SDK1: variants seen among roughly 807,000 people sequenced by gnomAD.
SDK1 encodes the protein sidekick cell adhesion molecule 1.
Under a neutral mutation model 245.5 loss-of-function variants are expected in SDK1, and 157 were observed. The ratio of observed to expected loss-of-function variants is 0.64; its 90% CI spans 0.56 to 0.73. The LOEUF is 0.73. Ranked by LOEUF, SDK1 falls within the 30% of genes least tolerant of loss-of-function variation. The probability of loss-of-function intolerance (pLI) is 0.00; values close to 1 mark genes in which losing one functional copy is unlikely to be tolerated. For missense variants in SDK1, 3,583 were observed against 3,002.3 expected (o/e 1.19, Z -4.52); for synonymous variants, 1,647 against 1,278.5 (o/e 1.29, Z -6.15).
intron 5 of SDK1, among the ~76,000 whole-genome samples, chr7:3,919,819 A>G (rs1779524715): frequency 6.6e-6 from 1 of 152,110 alleles, no homozygotes; most frequent in African/African-American, 2.4e-5. Flanking sequence ...ACCGGGCTGC[A>G]CTCATACCTC....
At chr7:3,792,718 ATCCG>A (rs1319851139) in intron 4 of SDK1, among the ~76,000 whole-genome samples, 4 of 134,738 alleles carry the variant, frequency 3.0e-5, no homozygotes, top group African/African-American at 6.0e-5. Flanking sequence ...CCATCCATCC[ATCCG>A]TCTGTCCATC....
intron 5 of SDK1, among the ~76,000 whole-genome samples, chr7:3,899,657 A>T (rs752134414): frequency 6.6e-6 from 1 of 152,144 alleles, no homozygotes; most frequent in Non-Finnish European, 1.5e-5. Flanking sequence ...TCCAAGCTGC[A>T]CCAGCTCCAC....
At chr7:4,149,738 C>G (rs927956704) in intron 30 of SDK1, among the ~76,000 whole-genome samples, 7 of 152,070 alleles carry the variant, frequency 4.6e-5, no homozygotes, top group Admixed American at 2.6e-4. Context: ...ATTGGCGAGG[C>G]AGGGGTGATG....
rs1040659040 is a variant in SDK1, at chr7:4,132,408, A to G, written c.4213A>G (p.Asn1405Asp). The G allele has an allele frequency of 6.2e-7, 1 of 1,611,394 alleles. No homozygotes were observed. Among genetic ancestry groups the G allele is most frequent in the African/African-American group, 1.3e-5 (1 of 75,022 alleles). ...RIVWQPPEEP[N>D]GIILGYQIAY... ...AGTGTGGCAACCTCCGGAGGAGCCC[A>G]ACGGCATCATCCTGGGTAAGGGAGC... Residue 1405 changes from asparagine (N) to aspartate (D), a missense_variant, in exon 28 of 45, where the codon AAC becomes GAC. Physicochemically the swap from Asn to Asp is conservative, Grantham distance 23 (BLOSUM62 1). Coordinates refer to ENST00000404826, the MANE Select transcript of SDK1 (RefSeq NM_152744.4).
intron 1 of SDK1, among the ~76,000 whole-genome samples, chr7:3,529,554 G>C (rs991437562): frequency 6.6e-5 from 10 of 151,964 alleles, no homozygotes; most frequent in Non-Finnish European, 1.3e-4. Context: ...AAAGTTTGTT[G>C]TTGTTGTTGT....
In SDK1 at chr7:3,869,911, AT is replaced by A. The variant is rs563510497; in HGVS notation, c.847+48330del. ...GGTAGGAAAAGAAAATGCTGTTGAA[AT>A]TATTTTATTTGAAAGAAATGCCATG... On this transcript the variant is annotated intron_variant, in intron 5 of 44. Coordinates refer to ENST00000404826, the MANE Select transcript of SDK1 (RefSeq NM_152744.4). Among the ~76,000 whole-genome samples the A allele has an allele frequency of 3.3e-3, 496 of 152,308 alleles. 4 individuals carry two copies. The highest frequency in any genetic ancestry group is 4.9e-3 in the Non-Finnish European group (332 of 68,014).
intron 4 of SDK1, among the ~76,000 whole-genome samples, chr7:3,662,580 G>A (rs545181582): frequency 1.1e-4 from 16 of 152,300 alleles, no homozygotes; most frequent in African/African-American, 3.1e-4. Flanking sequence ...GGGCCGCTGC[G>A]GGGACGATTG....
chr7:3,886,171 G>T (rs548631606), intron 5 of SDK1, among the ~76,000 whole-genome samples: 2 of 152,316 alleles, frequency 1.3e-5, no homozygotes, highest in South Asian at 2.1e-4. Flanking sequence ...GATGAAGGAT[G>T]GATCTGGGCC....
At chr7:3,906,936 T>A (rs1562527518) in intron 5 of SDK1, among the ~76,000 whole-genome samples, 2 of 152,156 alleles carry the variant, frequency 1.3e-5, no homozygotes, top group African/African-American at 4.8e-5. Context: ...TGCCTCTGTG[T>A]CTTTTTTGAT....
intron 4 of SDK1, among the ~76,000 whole-genome samples, chr7:3,652,980 G>T (rs549754960): frequency 5.1e-4 from 77 of 152,296 alleles, no homozygotes; most frequent in African/African-American, 1.6e-3. Flanking sequence ...CAAAGAAGTG[G>T]GTGGACTGAG....
At chr7:4,197,959 G>C (rs6462638) in intron 35 of SDK1, among the ~76,000 whole-genome samples, 1 of 152,008 alleles carries the variant, frequency 6.6e-6, no homozygotes, top group East Asian at 1.9e-4. Flanking sequence ...AGATGGTTTC[G>C]GAGGGTCCTC....
intron 4 of SDK1, among the ~76,000 whole-genome samples, chr7:3,672,256 C>T (rs1237418629): frequency 1.3e-5 from 2 of 152,072 alleles, no homozygotes; most frequent in Non-Finnish European, 2.9e-5. Flanking sequence ...CATACCCATC[C>T]TGTTTCTGTA....
chr7:3,943,362 G>GTCCCC (rs1780441540), intron 5 of SDK1, among the ~76,000 whole-genome samples: 4 of 81,944 alleles, frequency 4.9e-5, no homozygotes, highest in Non-Finnish European at 5.0e-5. Flanking sequence ...CTGCCTCCCC[G>GTCCCC]TCCCCTCCCT....
intron 1 of SDK1, among the ~76,000 whole-genome samples, chr7:3,325,523 GCT>G (rs1452674621): frequency 6.6e-6 from 1 of 152,074 alleles, no homozygotes; most frequent in African/African-American, 2.4e-5. Flanking sequence ...ATGTGAAGAA[GCT>G]CTTTTTCTGT....
At chr7:3,631,473 G>C (rs1782285604) in intron 2 of SDK1, among the ~76,000 whole-genome samples, 1 of 152,114 alleles carries the variant, frequency 6.6e-6, no homozygotes, top group African/African-American at 2.4e-5. Flanking sequence ...TCTTTTTCTA[G>C]TTAACTCCTC....
chr7:4,136,633 G>A (rs1354517640), intron 28 of SDK1, among the ~76,000 whole-genome samples: 1 of 152,202 alleles, frequency 6.6e-6, no homozygotes, highest in African/African-American at 2.4e-5. Context: ...GAGTACAGAC[G>A]TCCCTCCCTC....
intron 43 of SDK1, among the ~76,000 whole-genome samples, chr7:4,244,347 C>T (rs965519718): frequency 5.9e-5 from 9 of 152,222 alleles, no homozygotes; most frequent in Non-Finnish European, 1.2e-4. Flanking sequence ...TTTGAGCACA[C>T]AGCTGCCTGT....
intron 7 of SDK1, 92 bp from the exon 8 acceptor site, chr7:3,958,839 T>C: frequency 9.9e-7 from 1 of 1,005,670 alleles, no homozygotes; most frequent in Non-Finnish European, 1.5e-6. Flanking sequence ...TCAAGAATGG[T>C]TTTTAAGAGG....
intron 22 of SDK1, among the ~76,000 whole-genome samples, chr7:4,100,428 G>C (rs936153247): frequency 1.3e-5 from 2 of 152,190 alleles, no homozygotes; most frequent in Admixed American, 6.5e-5. Context: ...GAGAGCACAG[G>C]GGGAGCTAAG....
Sources: gnomAD v4.1 joint callset for allele counts (sites outside exome capture counted in the v4.1 genomes callset) on GRCh38, gnomAD v4.1.1 for gene constraint, MANE v1.5 for transcripts, NCBI Gene and HGNC (gene_info 2026-07-23, HGNC 2026-07-21) for gene names.